RASSF3: variants seen among roughly 807,000 people sequenced by gnomAD.
RASSF3 encodes the protein ras association domain-containing protein 3.
In RASSF3, 19 loss-of-function variants were observed where a neutral mutation model predicts 19.9. The observed-to-expected ratio is 0.96, with a 90% CI of 0.67 to 1.40. RASSF3 has a LOEUF of 1.40. RASSF3 is among the 40% of genes most tolerant of loss of function. The pLI is 0.00. For synonymous variants in RASSF3, 110 were observed against 104.2 expected (o/e 1.06, Z -0.34); for missense variants, 306 against 289.8 (o/e 1.06, Z -0.41).
At chr12:64,568,603 C>T (rs1869469786) in intron 2 of RASSF3, among the ~76,000 whole-genome samples, 1 of 152,124 alleles carries the variant, frequency 6.6e-6, no homozygotes, top group African/African-American at 2.4e-5. Context: ...CAGTCAGGCA[C>T]TCCCCAGTCT....
intron 1 of RASSF3, among the ~76,000 whole-genome samples, chr12:64,641,534 G>T (rs1025413037): frequency 2.0e-5 from 3 of 151,858 alleles, no homozygotes; most frequent in African/African-American, 7.3e-5. Context: ...GGTGGCTCAT[G>T]CCTGTAATCC....
upstream of RASSF3, among the ~76,000 whole-genome samples, chr12:64,609,186 C>G: frequency 6.6e-6 from 1 of 152,042 alleles, no homozygotes; most frequent in East Asian, 1.9e-4. Context: ...CACGGCTGAC[C>G]GATACCAAGC....
downstream of RASSF3, among the ~76,000 whole-genome samples, chr12:64,545,731 C>T (rs1235859823): frequency 6.6e-6 from 1 of 152,102 alleles, no homozygotes; most frequent in Non-Finnish European, 1.5e-5. Context: ...AGTTCGAGAC[C>T]AGCCTCGCAA....
intron 1 of RASSF3, among the ~76,000 whole-genome samples, chr12:64,535,689 C>CTT (rs34094654): frequency 1.9e-4 from 26 of 137,582 alleles, no homozygotes; most frequent in African/African-American, 2.4e-4. Flanking sequence ...TTTGTTTTCA[C>CTT]TTTTTTTTTT....
intron 1 of RASSF3, among the ~76,000 whole-genome samples, chr12:64,614,774 T>G (rs1592420529): frequency 6.6e-6 from 1 of 151,272 alleles, no homozygotes; most frequent in African/African-American, 2.4e-5. Context: ...CTTGGCTCAC[T>G]GCAACCTCCA....
At chr12:64,606,126 G>C (rs1870189160), upstream of RASSF3, among the ~76,000 whole-genome samples, 1 of 152,028 alleles carries the variant, frequency 6.6e-6, no homozygotes. Context: ...TCTTTTAAAA[G>C]TGAGGAACAT....
At chr12:64,541,829 C>T (rs1868939241), downstream of RASSF3, 1 of 394,814 alleles carries the variant, frequency 2.5e-6, no homozygotes, top group Admixed American at 4.4e-5. Flanking sequence ...AGCTCAGGTT[C>T]ATTCATTGCC....
chr12:64,598,821 G>C (rs1449431795), intron 2 of RASSF3, among the ~76,000 whole-genome samples: 2 of 151,432 alleles, frequency 1.3e-5, no homozygotes, highest in African/African-American at 4.9e-5. Flanking sequence ...CGTGTACCAC[G>C]TTGGTGTGCT....
intron 1 of RASSF3, among the ~76,000 whole-genome samples, chr12:64,662,916 G>C (rs1484979691): frequency 6.6e-6 from 1 of 152,100 alleles, no homozygotes; most frequent in Admixed American, 6.6e-5. Context: ...GTTTTAAGGG[G>C]CTCAGGGGGA....
In RASSF3 at chr12:64,664,289, A is replaced by G. The variant is rs117527036; in HGVS notation, c.112-20498A>G. On this transcript the variant is annotated intron_variant, in intron 1 of 4. Coordinates refer to ENST00000542104, the MANE Select transcript of RASSF3 (RefSeq NM_178169.4). ...ACCATGAAAAATCATAATAGAAATA[A>G]CAAAGCTTAAAAAAATGCTGCATTT... Among the ~76,000 whole-genome samples, 306 of 152,354 alleles carry G rather than the reference A, an allele frequency of 2.0e-3. 6 individuals are homozygous for G. In the East Asian group the frequency reaches 0.053, roughly 27 times the overall value.
intron 2 of RASSF3, among the ~76,000 whole-genome samples, chr12:64,569,437 G>A (rs1172982356): frequency 6.6e-6 from 1 of 152,200 alleles, no homozygotes; most frequent in African/African-American, 2.4e-5. Flanking sequence ...CTCCACACCT[G>A]TGGTGTTGGC....
intron 1 of RASSF3, among the ~76,000 whole-genome samples, chr12:64,624,607 C>T (rs1465923506): frequency 1.3e-5 from 2 of 151,506 alleles, no homozygotes. Flanking sequence ...TCAGTTTCCT[C>T]ATTTGTAAAC....
intron 1 of RASSF3, among the ~76,000 whole-genome samples, chr12:64,618,613 C>T (rs1032226830): frequency 1.3e-5 from 2 of 152,124 alleles, no homozygotes; most frequent in Non-Finnish European, 2.9e-5. Context: ...AGGCGTGAGC[C>T]ACCACGCCCG....
chr12:64,641,057 T>A (rs1321375633), intron 1 of RASSF3, among the ~76,000 whole-genome samples: 1 of 152,090 alleles, frequency 6.6e-6, no homozygotes, highest in African/African-American at 2.4e-5. Flanking sequence ...TATACTTATT[T>A]AACGTCAATC....
At position 64,629,451 on chromosome 12, in the gene RASSF3, A is replaced by G. The variant is rs116079805; in HGVS notation, c.111+18708A>G. Among the ~76,000 whole-genome samples the G allele has an allele frequency of 2.3e-3, 356 of 152,252 alleles. 1 individual carries two copies. The highest frequency in any genetic ancestry group is 8.2e-3 in the African/African-American group (341 of 41,550). On this transcript the variant is annotated intron_variant, in intron 1 of 4. Coordinates refer to ENST00000542104, the MANE Select transcript of RASSF3 (RefSeq NM_178169.4). ...TAGAAGGACTATACTTAAATGCATA[A>G]TTATACAACCTTTTGATATGTTATG... is the stretch of plus-strand genomic sequence containing the variant.
At chr12:64,686,683 C>G (rs1358713878) in intron 2 of RASSF3, among the ~76,000 whole-genome samples, 1 of 151,854 alleles carries the variant, frequency 6.6e-6, no homozygotes, top group Non-Finnish European at 1.5e-5. Flanking sequence ...AAAAATTAGC[C>G]AGGCATGGTG....
intron 1 of RASSF3, chr12:64,541,533 G>C (rs1868933902): frequency 5.0e-6 from 2 of 398,256 alleles, no homozygotes; most frequent in Non-Finnish European, 8.9e-6. Context: ...TGGATGAACA[G>C]AGAACGACAC....
At chr12:64,651,777 C>T (rs1187518705) in intron 1 of RASSF3, among the ~76,000 whole-genome samples, 5 of 152,136 alleles carry the variant, frequency 3.3e-5, no homozygotes, top group African/African-American at 1.2e-4. Flanking sequence ...ATCCTTCACC[C>T]TCAATCTCCT....
chr12:64,660,047 TG>T (rs1872298033), intron 1 of RASSF3, among the ~76,000 whole-genome samples: 1 of 41,804 alleles, frequency 2.4e-5, no homozygotes, highest in South Asian at 1.1e-3. Flanking sequence ...TATATGTGTG[TG>T]TATGTATATA....
Sources: gnomAD v4.1 joint callset for allele counts (sites outside exome capture counted in the v4.1 genomes callset) on GRCh38, gnomAD v4.1.1 for gene constraint, MANE v1.5 for transcripts, NCBI Gene and HGNC (gene_info 2026-07-23, HGNC 2026-07-21) for gene names.